The following LIMK2 variants were observed in gnomAD, a reference collection of about 807,000 sequenced individuals.
LIMK2 encodes LIM domain kinase 2.
In LIMK2, 35 loss-of-function variants were observed where a neutral mutation model predicts 75.7. That is an observed-to-expected ratio of 0.46 (90% confidence interval 0.35 to 0.61). The LOEUF (loss-of-function observed/expected upper bound fraction) is 0.61. Ranked by LOEUF, LIMK2 falls within the 20% of genes least tolerant of loss-of-function variation. The pLI, the probability that LIMK2 is intolerant of heterozygous loss-of-function variation, is 0.00. For synonymous variants in LIMK2, 301 were observed against 319.2 expected (o/e 0.94, Z 0.61); for missense variants, 623 against 831.0 (o/e 0.75, Z 3.08).
At position 31,262,367 on chromosome 22, in the gene LIMK2, C is replaced by G; in HGVS notation, c.657+128C>G. The G allele has an allele frequency of 1.2e-6, 1 of 840,804 alleles. No individual in the cohort carries two copies. The highest frequency in any genetic ancestry group is 1.6e-5 in the South Asian group (1 of 64,210). The allele number at this position is 840,804 out of a possible 1,614,324, so 52.1% of individuals were successfully genotyped here. A position where few individuals can be genotyped will look rare whatever the true frequency, so the allele number is the denominator to read the frequency against. ...TTTGTCTTAGCATTGAGCCTGTGAC[C>G]ACTGGTGACCTATTTCAGCGTAACA... is the stretch of plus-strand genomic sequence containing the variant. On this transcript the variant is annotated intron_variant, in intron 6 of 15. Coordinates refer to ENST00000331728, the MANE Select transcript of LIMK2 (RefSeq NM_005569.4). The surrounding 1 kb of genome is among the most constrained non-coding windows in gnomAD (Gnocchi z 5.0).
At chr22:31,259,792 A>G in intron 4 of LIMK2, 97 bp from the exon 5 acceptor site, 8 of 1,001,068 alleles carry the variant, frequency 8.0e-6, no homozygotes, top group Non-Finnish European at 1.1e-5. Context: ...TAGTGAGACT[A>G]TGGGTACTGT....
intron 14 of LIMK2, 50 bp downstream of exon 14, chr22:31,273,557 T>G: frequency 1.7e-5 from 25 of 1,495,120 alleles, no homozygotes; most frequent in African/African-American, 2.8e-5. Flanking sequence ...CTAGCAGCTC[T>G]GCCTTCCCTC....
chr22:31,255,191 G>C (rs974909382), intron 2 of LIMK2, among the ~76,000 whole-genome samples: 3 of 152,180 alleles, frequency 2.0e-5, no homozygotes, highest in African/African-American at 7.2e-5. Context: ...AAACAACCCA[G>C]AGAGGGAAAG....
chr22:31,262,197 G>A lies in LIMK2; in HGVS notation c.615G>A (p.Leu205=). 1 of 1,614,168 alleles carries A rather than the reference G, an allele frequency of 6.2e-7. No individual in the cohort carries two copies. The highest frequency in any genetic ancestry group is 8.5e-7 in the Non-Finnish European group (1 of 1,179,990). The change falls in exon 6 of 16, where the codon CTG becomes CTA. Residue 205 remains leucine, a synonymous_variant. Transcript: ENST00000331728. The surrounding 1 kb of genome is among the most constrained non-coding windows in gnomAD (Gnocchi z 5.0). ...RNAIHPGDRI[L]EINGTPVRTL... ...CCATCCACCCTGGGGACCGCATCCT[G>A]GAGATCAATGGGACCCCCGTCCGCA...
intron 2 of LIMK2, among the ~76,000 whole-genome samples, chr22:31,250,982 CAT>C (rs2048719636): frequency 1.3e-5 from 2 of 152,164 alleles, no homozygotes; most frequent in African/African-American, 4.8e-5. Flanking sequence ...TCAGGCGTGA[CAT>C]GTGAGGGAGG....
At chr22:31,221,849 C>T (rs2048437365) in intron 1 of LIMK2, among the ~76,000 whole-genome samples, 1 of 152,184 alleles carries the variant, frequency 6.6e-6, no homozygotes, top group South Asian at 2.1e-4. Flanking sequence ...GTTTGCTCCT[C>T]TTTCCCCAAC....
At chr22:31,255,197 GA>G (rs773189300) in intron 2 of LIMK2, among the ~76,000 whole-genome samples, 7 of 152,250 alleles carry the variant, frequency 4.6e-5, no homozygotes, top group Admixed American at 3.3e-4. Flanking sequence ...CCCAGAGAGG[GA>G]AAGGGGCTTG....
intron 3 of LIMK2, 136 bp downstream of exon 3, chr22:31,258,562 C>A (rs112472596): frequency 2.3e-6 from 2 of 855,330 alleles, no homozygotes; most frequent in African/African-American, 3.4e-5. Flanking sequence ...ATTCATTCAA[C>A]TAGCAGGTAT....
intron 5 of LIMK2, 82 bp downstream of exon 5, chr22:31,260,159 C>G: frequency 1.7e-6 from 2 of 1,159,784 alleles, no homozygotes; most frequent in Non-Finnish European, 2.4e-6. Context: ...CCTCCAAAGT[C>G]TCATGCAGAA....
At chr22:31,264,320 G>A (rs538415556) in intron 7 of LIMK2, among the ~76,000 whole-genome samples, 4 of 152,292 alleles carry the variant, frequency 2.6e-5, no homozygotes, top group Non-Finnish European at 4.4e-5. Flanking sequence ...AAGGACAAGG[G>A]TAAGTAAACC....
In LIMK2 at chr22:31,258,291, G is replaced by T. The variant is rs771016336; in HGVS notation, c.117G>T (p.Arg39=). 1 of 1,599,578 alleles carries T rather than the reference G, an allele frequency of 6.3e-7. No individual in the cohort carries two copies. Among genetic ancestry groups the T allele is most frequent in the South Asian group, 1.1e-5 (1 of 89,956 alleles). The change falls in exon 3 of 16, where the codon CGG becomes CGT. Residue 39 remains arginine (R), a splice_region_variant and synonymous_variant. Transcript: ENST00000331728. The part of the protein sequence containing the change: ...VNETWHGSCF[R]CSECQDSLTN... ...TTTCAGTTCTTGTCTTGCCTTTCAG[G>T]TGTTCAGAATGCCAGGATTCCCTCA...
chr22:31,273,839 C>T (rs189167393), intron 14 of LIMK2, among the ~76,000 whole-genome samples: 39 of 151,594 alleles, frequency 2.6e-4, no homozygotes, highest in African/African-American at 8.2e-4. Flanking sequence ...CTGGGACTAC[C>T]GGCACACACC....
intron 9 of LIMK2, 141 bp downstream of exon 9, chr22:31,267,211 C>T: frequency 1.7e-6 from 1 of 579,372 alleles, no homozygotes; most frequent in Non-Finnish European, 3.1e-6. Flanking sequence ...AGGAATATCC[C>T]ACTCCCTCTA....
At chr22:31,213,817 CT>C (rs71689139) in intron 1 of LIMK2, among the ~76,000 whole-genome samples, 2 of 145,376 alleles carry the variant, frequency 1.4e-5, no homozygotes, top group African/African-American at 2.6e-5. Flanking sequence ...TTTCCAGTAA[CT>C]TTTTTTTTTT....
intron 1 of LIMK2, among the ~76,000 whole-genome samples, chr22:31,216,420 G>A (rs2048389151): frequency 6.6e-6 from 1 of 152,200 alleles, no homozygotes; most frequent in Admixed American, 6.5e-5. Flanking sequence ...CCGGACTAGA[G>A]GGTTTAATGC....
At chr22:31,247,384 C>T (rs539237940) in intron 2 of LIMK2, among the ~76,000 whole-genome samples, 39 of 152,274 alleles carry the variant, frequency 2.6e-4, no homozygotes, top group African/African-American at 9.1e-4. Flanking sequence ...TTTGGCACCC[C>T]AGGCCTTTTT....
intron 7 of LIMK2, among the ~76,000 whole-genome samples, chr22:31,263,169 C>T (rs973822715): frequency 6.6e-6 from 1 of 152,162 alleles, no homozygotes; most frequent in African/African-American, 2.4e-5. Context: ...AACAATAAAG[C>T]AAAAGATGAA....
chr22:31,254,275 G>T lies in LIMK2; in HGVS notation c.117-4016G>T, dbSNP rs1276396455. On this transcript the variant is annotated intron_variant, in intron 2 of 15. Coordinates refer to ENST00000331728, the MANE Select transcript of LIMK2 (RefSeq NM_005569.4). ...GTGTTCTGGTGCTCCCATGCCCTGC[G>T]GCGCACATACCATTGCAAGGGCGTA... Among the ~76,000 whole-genome samples the T allele has an allele frequency of 6.6e-5, 10 of 152,334 alleles. No homozygotes were observed. In the East Asian group the frequency reaches 1.9e-3, roughly 29 times the overall value.
At chr22:31,237,948 A>G (rs2048593201) in intron 2 of LIMK2, among the ~76,000 whole-genome samples, 1 of 150,268 alleles carries the variant, frequency 6.7e-6, no homozygotes, top group South Asian at 2.1e-4. Context: ...CTGCTAAAAA[A>G]AAAAAAAAGT....
Sources: allele counts gnomAD v4.1 joint callset (sites outside exome capture counted in the v4.1 genomes callset), GRCh38; gene constraint gnomAD v4.1.1; non-coding constraint Gnocchi (gnomAD v3.1); transcripts MANE v1.5; gene names NCBI Gene and HGNC (gene_info 2026-07-23, HGNC 2026-07-21).